The following BZW2 variants were observed in gnomAD, a reference collection of about 807,000 sequenced individuals.
The protein encoded by BZW2 is basic leucine zipper and W2 domains 2.
Under a neutral mutation model 53.2 loss-of-function variants are expected in BZW2, and 23 were observed. That is an observed-to-expected ratio of 0.43 (90% CI 0.31 to 0.61). The LOEUF (loss-of-function observed/expected upper bound fraction) is 0.61, where lower values mean the gene tolerates loss of function less well. Ranked by LOEUF, BZW2 falls within the 20% of genes least tolerant of loss-of-function variation. BZW2 has a pLI of 0.09. For missense variants in BZW2, 409 were observed against 503.1 expected (o/e 0.81, Z 1.79); for synonymous variants, 227 against 186.4 (o/e 1.22, Z -1.77).
chr7:16,700,283 A>T (rs958268799), intron 10 of BZW2, among the ~76,000 whole-genome samples: 5 of 152,158 alleles, frequency 3.3e-5, no homozygotes, highest in African/African-American at 1.2e-4. Context: ...CTGAGGAATG[A>T]TTGTTCCATA....
chr7:16,704,503 G>T, intron 10 of BZW2, 44 bp from the exon 11 acceptor site: 1 of 1,468,000 alleles, frequency 6.8e-7, no homozygotes, highest in Non-Finnish European at 9.2e-7. Flanking sequence ...TTTGAAACAT[G>T]ACATTTGTAT....
At chr7:16,705,060 G>T (rs556694900) in intron 11 of BZW2, among the ~76,000 whole-genome samples, 1 of 152,288 alleles carries the variant, frequency 6.6e-6, no homozygotes, top group East Asian at 1.9e-4. Context: ...ATAATAATGA[G>T]TAAGAGTGAA....
At chr7:16,705,201 A>G (rs747800455) in intron 11 of BZW2, among the ~76,000 whole-genome samples, 11 of 152,002 alleles carry the variant, frequency 7.2e-5, no homozygotes, top group Non-Finnish European at 1.5e-4. Context: ...TATTAAAAAC[A>G]CAAAAAAATT....
At chr7:16,661,854 A>C (rs573726143) in intron 1 of BZW2, among the ~76,000 whole-genome samples, 2 of 152,138 alleles carry the variant, frequency 1.3e-5, no homozygotes, top group Non-Finnish European at 2.9e-5. Flanking sequence ...CCAAATTGTC[A>C]TGATGCATAG....
intron 7 of BZW2, among the ~76,000 whole-genome samples, chr7:16,690,684 T>C (rs1158894976): frequency 6.6e-6 from 1 of 152,254 alleles, no homozygotes; most frequent in African/African-American, 2.4e-5. Context: ...CTGGAAATAC[T>C]TAAGCTGTTG....
chr7:16,665,341 G>A (rs1782390770), intron 1 of BZW2, 96 bp from the exon 2 acceptor site: 2 of 1,377,878 alleles, frequency 1.5e-6, no homozygotes, highest in African/African-American at 2.9e-5. Context: ...AGTAATGAGT[G>A]AGGTTGAACA....
At chr7:16,661,227 C>T (rs1483275563) in intron 1 of BZW2, 1 of 152,118 alleles carries the variant, frequency 6.6e-6, no homozygotes, top group Non-Finnish European at 1.5e-5. Context: ...CAGGAGCAGT[C>T]ATTCCCTTGT....
intron 1 of BZW2, among the ~76,000 whole-genome samples, chr7:16,657,347 G>A (rs1350189018): frequency 6.6e-6 from 1 of 152,152 alleles, no homozygotes; most frequent in Admixed American, 6.5e-5. Context: ...GCATTTTGCT[G>A]TATCTACATA....
intron 10 of BZW2, among the ~76,000 whole-genome samples, chr7:16,704,019 A>G (rs539390462): frequency 6.6e-6 from 1 of 152,310 alleles, no homozygotes; most frequent in East Asian, 1.9e-4. Flanking sequence ...CTCCCACAAC[A>G]TAGCCCAGAA....
intron 11 of BZW2, among the ~76,000 whole-genome samples, chr7:16,705,294 G>A (rs746926882): frequency 1.4e-5 from 2 of 142,156 alleles, no homozygotes; most frequent in East Asian, 2.1e-4. Context: ...GGAGGCAGAG[G>A]TTGCAGTGAG....
intron 1 of BZW2, among the ~76,000 whole-genome samples, chr7:16,663,106 T>TAA (rs1304389725): frequency 1.3e-5 from 2 of 152,222 alleles, no homozygotes; most frequent in Non-Finnish European, 2.9e-5. Context: ...GCAGTGAATA[T>TAA]AAATGATGCA....
chr7:16,674,578 C>T lies in BZW2; in HGVS notation c.225C>T (p.Gly75=). ...CACTCTTCGATATCCTGGTGGCTGG[C>T]AGTATGCTTGGTAAACCATGCATTA... The part of the protein sequence containing the change: ...ADTLFDILVA[G]SMLAPGGTRI... The change falls in exon 3 of 12, where the codon GGC becomes GGT. Residue 75 remains glycine (G), a synonymous_variant. Coordinates refer to ENST00000258761, the MANE Select transcript of BZW2 (RefSeq NM_014038.3). 6.3e-7 allele frequency: 1 copy of T among 1,599,046 alleles called. No homozygotes were observed. Among genetic ancestry groups the T allele is most frequent in the Non-Finnish European group, 8.5e-7 (1 of 1,171,948 alleles).
chr7:16,655,718 A>G (rs1782104876), intron 1 of BZW2, among the ~76,000 whole-genome samples: 1 of 151,906 alleles, frequency 6.6e-6, no homozygotes, highest in African/African-American at 2.4e-5. Flanking sequence ...TCTACTCTCT[A>G]CTTCTGTGAT....
chr7:16,682,051 T>C (rs1477935186), intron 4 of BZW2, among the ~76,000 whole-genome samples: 1 of 152,184 alleles, frequency 6.6e-6, no homozygotes. Flanking sequence ...TCATTCTTTC[T>C]CCATAAAGGG....
chr7:16,674,308 ATTT>A (rs11465103), intron 2 of BZW2, 101 bp from the exon 3 acceptor site: 2 of 820,580 alleles, frequency 2.4e-6, no homozygotes, highest in Non-Finnish European at 3.6e-6. Flanking sequence ...TGCTCTGTGG[ATTT>A]TTTTTTCCTA....
At chr7:16,646,396 G>C (rs879186666) in intron 1 of BZW2, 108 bp downstream of exon 1, 7 of 165,020 alleles carry the variant, frequency 4.2e-5, no homozygotes, top group African/African-American at 1.2e-4. Flanking sequence ...GAGGAAGCAT[G>C]TGCCTCCTGG....
At chr7:16,673,687 G>T (rs1782678124) in intron 2 of BZW2, among the ~76,000 whole-genome samples, 1 of 152,084 alleles carries the variant, frequency 6.6e-6, no homozygotes, top group East Asian at 1.9e-4. Flanking sequence ...TGGAATTAGG[G>T]TTCCAAAGTT....
chr7:16,669,276 C>T (rs1169067139), intron 2 of BZW2, among the ~76,000 whole-genome samples: 1 of 152,116 alleles, frequency 6.6e-6, no homozygotes, highest in Non-Finnish European at 1.5e-5. Context: ...CAGGCGTGCA[C>T]CACCACACCC....
At chr7:16,677,544 C>T (rs1204418293) in intron 3 of BZW2, among the ~76,000 whole-genome samples, 1 of 152,138 alleles carries the variant, frequency 6.6e-6, no homozygotes, top group Non-Finnish European at 1.5e-5. Flanking sequence ...AACATTGGAG[C>T]ATGGGCTAGC....
Sources: gnomAD v4.1 joint callset for allele counts (sites outside exome capture counted in the v4.1 genomes callset) on GRCh38, gnomAD v4.1.1 for gene constraint, MANE v1.5 for transcripts, NCBI Gene and HGNC (gene_info 2026-07-23, HGNC 2026-07-21) for gene names.